The following VPS13A variants were observed in gnomAD, a reference collection of about 807,000 sequenced individuals.
The protein encoded by VPS13A is vacuolar protein sorting 13 homolog A, also known as intermembrane lipid transfer protein VPS13A.
VPS13A carries 264 observed loss-of-function variants against 390.9 expected under a neutral mutation model. That is an observed-to-expected ratio of 0.68 (90% CI 0.61 to 0.75). VPS13A has a LOEUF of 0.75. Ranked by LOEUF, VPS13A falls within the 30% of genes least tolerant of loss-of-function variation. The pLI, the probability that VPS13A is intolerant of heterozygous loss-of-function variation, is 0.00. For synonymous variants in VPS13A, 1,231 were observed against 1,227.1 expected, an observed-to-expected ratio of 1.00 and a Z score of -0.07; for missense variants, 3,409 against 3,733.9, an observed-to-expected ratio of 0.91 and a Z score of 2.27.
chr9:77,350,283 A>AT (rs1831381523), intron 52 of VPS13A, among the ~76,000 whole-genome samples: 1 of 152,166 alleles, frequency 6.6e-6, no homozygotes, highest in Admixed American at 6.5e-5. Flanking sequence ...TTTTCAAAAT[A>AT]TGTATTATTT....
chr9:77,191,298 T>C (rs11507278), intron 1 of VPS13A, among the ~76,000 whole-genome samples: 3,228 of 148,572 alleles, frequency 0.022, 32 homozygotes, highest in Middle Eastern at 0.045. Context: ...TCTTCTTCTT[T>C]TTTTTTTTTT....
intron 54 of VPS13A, among the ~76,000 whole-genome samples, chr9:77,356,334 C>G (rs1216797777): frequency 6.6e-6 from 1 of 152,194 alleles, no homozygotes; most frequent in Non-Finnish European, 1.5e-5. Flanking sequence ...GAAGACCCCA[C>G]CACTTTACAT....
At chr9:77,182,674 C>T (rs1041631145) in intron 1 of VPS13A, among the ~76,000 whole-genome samples, 4 of 152,196 alleles carry the variant, frequency 2.6e-5, no homozygotes, top group Non-Finnish European at 5.9e-5. Context: ...ACCTGTACTT[C>T]ATAGCCCCTT....
chr9:77,254,797 G>A (rs1013413811), intron 22 of VPS13A, among the ~76,000 whole-genome samples: 1 of 151,960 alleles, frequency 6.6e-6, no homozygotes, highest in Middle Eastern at 3.2e-3. Flanking sequence ...AATTTTGGGG[G>A]GATTGTTTAT....
rs771436974 is a variant in VPS13A at position 77,345,050 on chromosome 9, T to A, written c.7197T>A (p.Ser2399=). ...IIAEVNLAEH[S]TVITFLDYHD... is the part of the protein sequence containing the mutation. ...CAGAAGTGAATTTGGCCGAGCATTC[T>A]ACAGTTATTACATTTTTAGATTATC... The change falls in exon 52 of 72, where the codon TCT becomes TCA. Residue 2399 remains serine (S), a synonymous_variant. Transcript: ENST00000360280. The A allele has an allele frequency of 6.2e-7, 1 of 1,613,130 alleles. No individual in the cohort carries two copies. Among genetic ancestry groups the A allele is most frequent in the South Asian group, 1.1e-5 (1 of 91,074 alleles).
rs930982042 is a variant in VPS13A at position 77,291,380 on chromosome 9, C to A, written c.3340-1961C>A. On this transcript the variant is annotated intron_variant, in intron 31 of 71. Transcript: ENST00000360280. ...CTGTTACCAAAAAGGCTGGGGACCA[C>A]AGATGCATAGCATAATAGAGACTGA... 6.6e-4 allele frequency among the ~76,000 whole-genome samples: 100 copies of A among 152,212 alleles called. 2 individuals are homozygous for A. Among genetic ancestry groups the A allele is most frequent in the Admixed American group, 5.9e-3 (90 of 15,294 alleles).
Position 77,418,582 on chromosome 9 carries a change from C to A in VPS13A, c.*2576C>A, listed in dbSNP as rs940756899. The A allele has an allele frequency of 3.3e-5, 5 of 152,110 alleles. No homozygotes were observed. The highest frequency in any genetic ancestry group is 1.2e-4 in the African/African-American group (5 of 41,406). 9.4% of individuals were successfully genotyped at this position (152,110 alleles called of 1,614,324 possible). On this transcript the variant is annotated 3_prime_UTR_variant, in exon 72 of 72. Transcript: ENST00000360280. ...TTTTCCTTTAGTGTTCACAAAAATC[C>A]CAAGGTCAGTTTAGTGTGGCTGAGT... is the stretch of plus-strand genomic sequence containing the variant.
chr9:77,413,140 G>A (rs1423061187), intron 71 of VPS13A, among the ~76,000 whole-genome samples: 1 of 149,232 alleles, frequency 6.7e-6, no homozygotes, highest in African/African-American at 2.5e-5. Flanking sequence ...TGGATAGGAA[G>A]AATCAATATC....
chr9:77,298,791 G>A (rs1828163630), intron 33 of VPS13A, among the ~76,000 whole-genome samples: 1 of 152,096 alleles, frequency 6.6e-6, no homozygotes, highest in Admixed American at 6.5e-5. Flanking sequence ...TCATGAGGGT[G>A]GTTCCCCCAT....
chr9:77,224,163 A>G (rs1823378904), intron 13 of VPS13A, among the ~76,000 whole-genome samples: 1 of 152,210 alleles, frequency 6.6e-6, no homozygotes, highest in South Asian at 2.1e-4. Context: ...TTGCTAATAG[A>G]CAATGCACCT....
At chr9:77,311,600 AAAG>A (rs144274012) in intron 35 of VPS13A, among the ~76,000 whole-genome samples, 2,030 of 152,306 alleles carry the variant, frequency 0.013, 43 homozygotes, top group African/African-American at 0.046. Context: ...TGACAGAACT[AAAG>A]AAGAAAATAC....
At chr9:77,198,787 C>T (rs1226839740) in intron 1 of VPS13A, among the ~76,000 whole-genome samples, 1 of 152,040 alleles carries the variant, frequency 6.6e-6, no homozygotes, top group Non-Finnish European at 1.5e-5. Flanking sequence ...CCTTAGTCTC[C>T]CAAGTAGCTG....
chr9:77,260,441 C>T (rs886930984), intron 23 of VPS13A, among the ~76,000 whole-genome samples: 1 of 150,574 alleles, frequency 6.6e-6, no homozygotes, highest in Non-Finnish European at 1.5e-5. Flanking sequence ...CTGCAAGCTC[C>T]GCCTCCCAGG....
chr9:77,304,361 A>G (rs1828588625), intron 34 of VPS13A, among the ~76,000 whole-genome samples: 1 of 152,212 alleles, frequency 6.6e-6, no homozygotes. Context: ...GTAATTGTTT[A>G]AAGTACAGGT....
At position 77,339,872 on chromosome 9, in the gene VPS13A, CTT is replaced by C; in HGVS notation, c.6738_6739del (p.Ser2247PhefsTer8). The stretch of plus-strand genomic sequence containing the variant: ...CACCTAATTATAAAAAGCCAGTTCT[CTT>C]TTCTTTTCAGCCAAATCACTTTTTT... ...HPPNYKKPVL[F>X]SFQPNHFFNN... On this transcript the variant is annotated frameshift_variant, in exon 48 of 72. Coordinates refer to ENST00000360280, the MANE Select transcript of VPS13A (RefSeq NM_033305.3). LOFTEE classifies it high-confidence loss of function. The C allele has an allele frequency of 6.2e-7, 1 of 1,613,026 alleles. No individual in the cohort carries two copies. The highest frequency in any genetic ancestry group is 8.5e-7 in the Non-Finnish European group (1 of 1,179,914).
chr9:77,316,316 T>A lies in VPS13A; in HGVS notation c.4773T>A (p.Leu1591=). The stretch of plus-strand genomic sequence containing the variant: ...GTGAAATTTGCTATAAAGGTAACCT[T>A]GAAAATAGTACAATGACTGCTGCCA... ...TQCEICYKGN[L]ENSTMTAAIK... The change falls in exon 39 of 72, where the codon CTT becomes CTA. Residue 1591 remains leucine, a synonymous_variant. Coordinates refer to ENST00000360280, the MANE Select transcript of VPS13A (RefSeq NM_033305.3). 1 of 1,613,216 alleles carries A rather than the reference T, an allele frequency of 6.2e-7. No individual in the cohort carries two copies. The highest frequency in any genetic ancestry group is 2.2e-5 in the East Asian group (1 of 44,810).
chr9:77,200,545 T>A (rs1244638546), intron 2 of VPS13A, among the ~76,000 whole-genome samples: 2 of 152,064 alleles, frequency 1.3e-5, no homozygotes, highest in Admixed American at 6.6e-5. Context: ...TTATTTCAAA[T>A]TTTTAACTTG....
chr9:77,371,820 C>A (rs1225394734), intron 67 of VPS13A, among the ~76,000 whole-genome samples: 4 of 121,660 alleles, frequency 3.3e-5, no homozygotes, highest in Non-Finnish European at 7.0e-5. Flanking sequence ...CCCCCTCCCC[C>A]CACCCCACCT....
intron 1 of VPS13A, among the ~76,000 whole-genome samples, chr9:77,194,300 G>A (rs997658757): frequency 1.3e-5 from 2 of 151,532 alleles, no homozygotes; most frequent in Non-Finnish European, 2.9e-5. Context: ...GGGCATCAGC[G>A]TCCATTGCAA....
Sources: allele counts gnomAD v4.1 joint callset (sites outside exome capture counted in the v4.1 genomes callset), GRCh38; gene constraint gnomAD v4.1.1; transcripts MANE v1.5; gene names NCBI Gene and HGNC (gene_info 2026-07-23, HGNC 2026-07-21).